The following PHLPP1 variants were observed in gnomAD, a reference collection of about 807,000 sequenced individuals.
The protein encoded by PHLPP1 is PH domain and leucine rich repeat protein phosphatase 1.
In PHLPP1, 42 loss-of-function variants were observed where a neutral mutation model predicts 117.2. The ratio of observed to expected loss-of-function variants is 0.36; its 90% CI spans 0.28 to 0.46. The LOEUF (loss-of-function observed/expected upper bound fraction) is 0.46. PHLPP1 is among the 20% of genes least tolerant of loss of function. PHLPP1 has a pLI of 1.00. For synonymous variants in PHLPP1, 1,042 were observed against 970.7 expected (o/e 1.07, Z -1.37); for missense variants, 2,084 against 2,241.9 (o/e 0.93, Z 1.42).
intron 3 of PHLPP1, among the ~76,000 whole-genome samples, chr18:62,854,777 A>G (rs1355337348): frequency 6.7e-6 from 1 of 148,614 alleles, no homozygotes; most frequent in Non-Finnish European, 1.5e-5. Context: ...GTTCACTGCA[A>G]TCTCCGCCTC....
intron 1 of PHLPP1, among the ~76,000 whole-genome samples, chr18:62,790,742 G>A (rs547981681): frequency 1.3e-5 from 2 of 152,322 alleles, no homozygotes; most frequent in African/African-American, 4.8e-5. Flanking sequence ...TGGATAGAAA[G>A]ATTAGTTATG....
chr18:62,979,651 G>C lies in PHLPP1; in HGVS notation c.*220G>C. The stretch of plus-strand genomic sequence containing the variant: ...TGCTTTACCAATATGATTTACATTT[G>C]TTAACTTCTCCCCCTAACATATCAG... On this transcript the variant is annotated 3_prime_UTR_variant, in exon 17 of 17. Transcript: ENST00000262719. 1.7e-6 allele frequency: 1 copy of C among 577,988 alleles called. No individual in the cohort carries two copies. Among genetic ancestry groups the C allele is most frequent in the Non-Finnish European group, 3.0e-6 (1 of 327,982 alleles). 35.8% of individuals were successfully genotyped at this position (577,988 alleles called of 1,614,324 possible).
At chr18:62,754,390 AG>A (rs1372055842) in intron 1 of PHLPP1, among the ~76,000 whole-genome samples, 1 of 152,228 alleles carries the variant, frequency 6.6e-6, no homozygotes, top group Non-Finnish European at 1.5e-5. Context: ...AGAGGTGTAG[AG>A]GCTGCAGTCT....
At chr18:62,950,677 C>T (rs1052214062) in intron 12 of PHLPP1, among the ~76,000 whole-genome samples, 1 of 152,132 alleles carries the variant, frequency 6.6e-6, no homozygotes, top group African/African-American at 2.4e-5. Flanking sequence ...GACGTAAAAA[C>T]GTCAGCTTGG....
At chr18:62,936,651 AC>A (rs1386152425) in intron 10 of PHLPP1, among the ~76,000 whole-genome samples, 1 of 152,076 alleles carries the variant, frequency 6.6e-6, no homozygotes, top group Non-Finnish European at 1.5e-5. Flanking sequence ...GAAGGGCACA[AC>A]CTCTGCGATA....
At chr18:62,962,012 A>G (rs1298485321) in intron 13 of PHLPP1, among the ~76,000 whole-genome samples, 1 of 152,244 alleles carries the variant, frequency 6.6e-6, no homozygotes, top group Non-Finnish European at 1.5e-5. Context: ...ATTTGGGAGT[A>G]ATGAGTACCA....
intron 3 of PHLPP1, chr18:62,842,981 G>T (rs181058838): frequency 6.6e-6 from 1 of 152,288 alleles, no homozygotes; most frequent in East Asian, 1.9e-4. Flanking sequence ...GGGAATATAT[G>T]CCTACAGGGA....
At chr18:62,783,733 G>T (rs1307871968) in intron 1 of PHLPP1, among the ~76,000 whole-genome samples, 2 of 151,404 alleles carry the variant, frequency 1.3e-5, no homozygotes, top group African/African-American at 4.9e-5. Flanking sequence ...TTTATGTTTG[G>T]AATACAGCCT....
At chr18:62,835,225 C>CA (rs1276045603) in intron 2 of PHLPP1, among the ~76,000 whole-genome samples, 1 of 146,214 alleles carries the variant, frequency 6.8e-6, no homozygotes, top group East Asian at 2.0e-4. Flanking sequence ...TTTTTTGAGA[C>CA]AGAGTCTGTC....
In PHLPP1 at chr18:62,978,655, C is replaced by T. The variant is rs1911277634; in HGVS notation, c.4378C>T (p.Pro1460Ser). 1 of 1,613,796 alleles carries T rather than the reference C, an allele frequency of 6.2e-7. No individual in the cohort carries two copies. Among genetic ancestry groups the T allele is most frequent in the African/African-American group, 1.3e-5 (1 of 74,900 alleles). The change falls in exon 17 of 17, where the codon CCC becomes TCC. Residue 1460 changes from proline to serine, a missense_variant. By Grantham distance (74) the Pro-to-Ser change is moderately conservative. Transcript: ENST00000262719. The surrounding 1 kb of genome is among the most constrained non-coding windows in gnomAD (Gnocchi z 7.0). Reference sequence around the variant, plus strand: ...AGTGAACATGGTGATCAAGGATCGGCCCTCAGATGGGCTGGGCGTGCCGTC... The same window carrying T: ...AGTGAACATGGTGATCAAGGATCGGTCCTCAGATGGGCTGGGCGTGCCGTC... ...PSVNMVIKDR[P>S]SDGLGVPSSS...
chr18:62,897,209 G>C (rs533856053), intron 6 of PHLPP1, among the ~76,000 whole-genome samples: 1 of 152,098 alleles, frequency 6.6e-6, no homozygotes, highest in African/African-American at 2.4e-5. Flanking sequence ...GTACATGTAG[G>C]GAGACATCAT....
At chr18:62,766,076 A>AAAAAAAATATAT in intron 1 of PHLPP1, among the ~76,000 whole-genome samples, 1 of 21,648 alleles carries the variant, frequency 4.6e-5, no homozygotes, top group African/African-American at 1.5e-4. Flanking sequence ...AAAAAAAAAA[A>AAAAAAAATATAT]ATATATATAT....
chr18:62,942,508 A>G (rs1910158363), intron 11 of PHLPP1, among the ~76,000 whole-genome samples: 2 of 152,210 alleles, frequency 1.3e-5, no homozygotes, highest in African/African-American at 4.8e-5. Flanking sequence ...AGACTCTACT[A>G]CCATAGAAAC....
chr18:62,887,716 T>C (rs1415674773), intron 4 of PHLPP1, among the ~76,000 whole-genome samples: 1 of 152,124 alleles, frequency 6.6e-6, no homozygotes, highest in East Asian at 1.9e-4. Flanking sequence ...CATGGGAATT[T>C]TGTTTTTTGT....
At chr18:62,820,411 C>G (rs1209687726) in intron 1 of PHLPP1, among the ~76,000 whole-genome samples, 2 of 152,222 alleles carry the variant, frequency 1.3e-5, no homozygotes, top group Non-Finnish European at 2.9e-5. Context: ...ACATATGGAA[C>G]ATTGATATGG....
intron 1 of PHLPP1, among the ~76,000 whole-genome samples, chr18:62,820,713 A>G (rs568909696): frequency 3.3e-5 from 5 of 152,334 alleles, no homozygotes; most frequent in East Asian, 1.9e-4. Context: ...CTGTTAGTCA[A>G]TTAAAGCCCT....
intron 4 of PHLPP1, among the ~76,000 whole-genome samples, chr18:62,887,899 G>GGC (rs1223967151): frequency 6.6e-6 from 1 of 151,914 alleles, no homozygotes; most frequent in Non-Finnish European, 1.5e-5. Flanking sequence ...CACCCTGCCT[G>GGC]GCTAATTTTA....
At chr18:62,942,566 T>C (rs2144454592) in intron 11 of PHLPP1, among the ~76,000 whole-genome samples, 1 of 152,256 alleles carries the variant, frequency 6.6e-6, no homozygotes, top group African/African-American at 2.4e-5. Context: ...TTTTAATTTG[T>C]TTTTACTTTA....
rs1184390159 is a variant in PHLPP1 at position 62,978,877 on chromosome 18, G to A, written c.4600G>A (p.Ala1534Thr). 7.5e-6 allele frequency: 12 copies of A among 1,606,664 alleles called. No individual in the cohort carries two copies. The highest frequency in any genetic ancestry group is 1.6e-4 in the Middle Eastern group (1 of 6,076). ...SNSFQRQLSS[A>T]TFSSAFSDNG... ...CTCCTTCCAGCGCCAGCTATCCAGC[G>A]CCACGTTCTCTAGCGCCTTCTCCGA... Residue 1534 changes from alanine to threonine, a missense_variant, in exon 17 of 17, where the codon GCC (alanine) becomes ACC (threonine). Coordinates refer to ENST00000262719, the MANE Select transcript of PHLPP1 (RefSeq NM_194449.4). The surrounding 1 kb of genome is among the most constrained non-coding windows in gnomAD (Gnocchi z 7.0).
Sources: allele counts gnomAD v4.1 joint callset (sites outside exome capture counted in the v4.1 genomes callset), GRCh38; gene constraint gnomAD v4.1.1; non-coding constraint Gnocchi (gnomAD v3.1); transcripts MANE v1.5; gene names NCBI Gene and HGNC (gene_info 2026-07-23, HGNC 2026-07-21).